CNDP2: variants seen among roughly 807,000 people sequenced by gnomAD.
The protein encoded by CNDP2 is carnosine dipeptidase 2.
CNDP2 carries 38 observed loss-of-function variants against 55.0 expected under a neutral mutation model. The ratio of observed to expected loss-of-function variants is 0.69; its 90% CI spans 0.53 to 0.90. The LOEUF (loss-of-function observed/expected upper bound fraction) is 0.90. Among genes scored for constraint, CNDP2 ranks in the 40% least tolerant of loss-of-function variants. The pLI is 0.00. For missense variants in CNDP2, 607 were observed against 621.7 expected, an observed-to-expected ratio of 0.98 and a Z score of 0.25; for synonymous variants, 241 against 260.2, an observed-to-expected ratio of 0.93 and a Z score of 0.71.
chr18:74,506,156 C>T (rs1979013038), intron 4 of CNDP2, 145 bp downstream of exon 4: 1 of 719,978 alleles, frequency 1.4e-6, no homozygotes, highest in Admixed American at 4.4e-5. Flanking sequence ...TTTTTTGAGA[C>T]AGAGTCTCAC....
rs945850899 is a variant in CNDP2, at chr18:74,517,680, G to A, written c.1069-819G>A. 5.3e-5 allele frequency: 8 copies of A among 152,022 alleles called. No homozygotes were observed. The South Asian group carries it at 1.7e-3, about 32-fold the overall frequency. 9.4% of individuals were successfully genotyped at this position (152,022 alleles called of 1,614,324 possible). On this transcript the variant is annotated intron_variant, in intron 9 of 11. Transcript: ENST00000324262. ...CAGGTAGTGGCAGGGTGGAGCCTGT[G>A]AAAGGCCGGCAAGCAGAATGGCGCA... is the stretch of plus-strand genomic sequence containing the variant.
At chr18:74,519,474 G>C (rs75496212) in intron 11 of CNDP2, among the ~76,000 whole-genome samples, 2,922 of 152,324 alleles carry the variant, frequency 0.019, 88 homozygotes, top group African/African-American at 0.068. Context: ...CCACAACGGG[G>C]CGGGTGCAGC....
At chr18:74,514,466 A>G (rs556387922) in intron 8 of CNDP2, among the ~76,000 whole-genome samples, 32 of 133,042 alleles carry the variant, frequency 2.4e-4, no homozygotes, top group Non-Finnish European at 3.8e-4. Flanking sequence ...TGCAGGCTAT[A>G]GGTTTATGTG....
intron 4 of CNDP2, among the ~76,000 whole-genome samples, chr18:74,506,738 C>T (rs1300891912): frequency 6.6e-6 from 1 of 152,242 alleles, no homozygotes; most frequent in African/African-American, 2.4e-5. Context: ...CTGTTATTCA[C>T]CAAGTGCTTC....
chr18:74,509,074 C>CGGATGT (rs1320862552), intron 5 of CNDP2, 146 bp downstream of exon 5: 8 of 613,338 alleles, frequency 1.3e-5, no homozygotes, highest in Non-Finnish European at 2.3e-5. Context: ...ACAGATGACT[C>CGGATGT]GGATGTAAGA....
At position 74,522,770 on chromosome 18, in the gene CNDP2, G is replaced by GTGT. The variant is rs896054609; in HGVS notation, c.*2704_*2706dup. On this transcript the variant is annotated 3_prime_UTR_variant, in exon 12 of 12. Transcript: ENST00000324262. ...TGTAAATTACCTAGTCTTGGGCATTGTGTTACAGCAGCAAAAAGCAGCCTA... is the reference window on the plus strand; with the variant it reads ...TGTAAATTACCTAGTCTTGGGCATTGTGTTGTTACAGCAGCAAAAAGCAGCCTA... 1 of 152,348 alleles carries GTGT rather than the reference G, an allele frequency of 6.6e-6. No homozygotes were observed. Among genetic ancestry groups the GTGT allele is most frequent in the African/African-American group, 2.4e-5 (1 of 41,472 alleles). 9.4% of individuals were successfully genotyped at this position (152,348 alleles called of 1,614,324 possible). A position where few individuals can be genotyped will look rare whatever the true frequency, so the allele number is the denominator to read the frequency against.
intron 11 of CNDP2, among the ~76,000 whole-genome samples, chr18:74,519,656 A>G (rs1349370390): frequency 1.3e-5 from 2 of 152,194 alleles, no homozygotes; most frequent in Non-Finnish European, 2.9e-5. Context: ...CCCTGCAGGA[A>G]GGAGGGAGGG....
At chr18:74,511,222 A>G (rs1164900081) in intron 6 of CNDP2, 3 of 589,024 alleles carry the variant, frequency 5.1e-6, no homozygotes, top group Non-Finnish European at 6.0e-6. Context: ...TTAATCTCAC[A>G]GCAGCATCAA....
At chr18:74,501,043 G>A (rs1199802882) in intron 2 of CNDP2, 4 of 527,850 alleles carry the variant, frequency 7.6e-6, no homozygotes, top group Non-Finnish European at 1.0e-5. Context: ...TGGGCCTGGC[G>A]CCGGGCTGCC....
At chr18:74,500,771 C>T (rs1323778282) in intron 2 of CNDP2, among the ~76,000 whole-genome samples, 6 of 152,212 alleles carry the variant, frequency 3.9e-5, no homozygotes, top group Non-Finnish European at 8.8e-5. Context: ...AAAATCCGAG[C>T]TCCCTGAGTG....
chr18:74,502,472 G>GTTTTT (rs139713521), intron 3 of CNDP2, among the ~76,000 whole-genome samples: 3 of 148,688 alleles, frequency 2.0e-5, no homozygotes, highest in Admixed American at 6.7e-5. Context: ...TTGTCTTTTT[G>GTTTTT]GTTTTTTTTT....
intron 6 of CNDP2, 128 bp from the exon 7 acceptor site, chr18:74,512,320 C>G: frequency 1.3e-6 from 1 of 792,662 alleles, no homozygotes; most frequent in Non-Finnish European, 2.0e-6. Flanking sequence ...GCTTTGCTCC[C>G]TGAGGGAGCA....
Position 74,501,333 on chromosome 18 carries a change from T to C in CNDP2, c.65T>C (p.Leu22Pro). The C allele has an allele frequency of 6.2e-7, 1 of 1,612,448 alleles. No homozygotes were observed. The highest frequency in any genetic ancestry group is 1.1e-5 in the South Asian group (1 of 90,900). ...TTGCTTCTTGTCCACAAACAGAAAC[T>C]CGCAAAATGGGTGGCTATCCAGAGT... Reference protein sequence around the residue: ...DENQDRYIKKLAKWVAIQSVS... With the variant: ...DENQDRYIKKPAKWVAIQSVS... The change falls in exon 3 of 12, where the codon CTC becomes CCC. Residue 22 changes from leucine (L) to proline (P), a missense_variant. Coordinates refer to ENST00000324262, the MANE Select transcript of CNDP2 (RefSeq NM_018235.3).
intron 2 of CNDP2, among the ~76,000 whole-genome samples, chr18:74,500,888 G>A (rs916695911): frequency 1.3e-4 from 20 of 152,218 alleles, no homozygotes; most frequent in African/African-American, 4.6e-4. Flanking sequence ...TGTATGCACC[G>A]GTGGTCAGAG....
intron 6 of CNDP2, among the ~76,000 whole-genome samples, chr18:74,511,722 A>AG (rs1979366010): frequency 6.6e-6 from 1 of 151,068 alleles, no homozygotes; most frequent in Non-Finnish European, 1.5e-5. Context: ...AAAAAAAAAA[A>AG]GAGAAACCGA....
Position 74,513,731 on chromosome 18 carries a change from GGCTCGACTCTGCCACCTGCCCAGGCCAC to G in CNDP2, c.903+16_903+43del, listed in dbSNP as rs774787599. ...TGCACAGCCACAAGGTCTGGTTCAG[GGCTCGACTCTGCCACCTGCCCAGGCCAC>G]GCTGTGACACAGGTGTCCCCCAGGC... is the stretch of plus-strand genomic sequence containing the variant. On this transcript the variant is annotated intron_variant, in intron 8 of 11. Transcript: ENST00000324262. 1.2e-6 allele frequency: 2 copies of G among 1,611,208 alleles called. No homozygotes were observed. The highest frequency in any genetic ancestry group is 1.7e-6 in the Non-Finnish European group (2 of 1,178,158).
intron 3 of CNDP2, among the ~76,000 whole-genome samples, chr18:74,501,700 G>GC (rs1978711520): frequency 6.6e-6 from 1 of 152,156 alleles, no homozygotes; most frequent in Non-Finnish European, 1.5e-5. Context: ...AAGGAGAACT[G>GC]CTGACAGTTA....
chr18:74,518,427 C>T (rs1332743560), intron 9 of CNDP2, 72 bp from the exon 10 acceptor site: 9 of 1,578,538 alleles, frequency 5.7e-6, no homozygotes, highest in South Asian at 5.6e-5. Flanking sequence ...ATAGCAGACC[C>T]GTAGGTCACT....
intron 4 of CNDP2, among the ~76,000 whole-genome samples, chr18:74,506,313 T>C (rs1469957900): frequency 1.3e-5 from 2 of 151,970 alleles, no homozygotes; most frequent in Non-Finnish European, 2.9e-5. Flanking sequence ...TTTTTTATTT[T>C]TAGTAGAGAC....
Sources: gnomAD v4.1 joint callset for allele counts (sites outside exome capture counted in the v4.1 genomes callset) on GRCh38, gnomAD v4.1.1 for gene constraint, MANE v1.5 for transcripts, NCBI Gene and HGNC (gene_info 2026-07-23, HGNC 2026-07-21) for gene names.